Variants in TNKS observed in about 807,000 individuals in gnomAD.
TNKS encodes tankyrase.
TNKS carries 72 observed loss-of-function variants against 135.8 expected under a neutral mutation model. The ratio of observed to expected loss-of-function variants is 0.53; its 90% CI spans 0.44 to 0.64. The LOEUF is 0.64. TNKS is among the 30% of genes least tolerant of loss of function. The pLI, the probability that TNKS is intolerant of heterozygous loss-of-function variation, is 0.00. For synonymous variants in TNKS, 849 were observed against 649.3 expected, an observed-to-expected ratio of 1.31 and a Z score of -4.68; for missense variants, 1,769 against 1,674.0, an observed-to-expected ratio of 1.06 and a Z score of -0.99.
intron 14 of TNKS, 101 bp from the exon 15 acceptor site, chr8:9,733,178 G>T: frequency 8.9e-7 from 1 of 1,120,092 alleles, no homozygotes; most frequent in Non-Finnish European, 1.2e-6. Flanking sequence ...GCAGTGTTCA[G>T]TATAGTCAGT....
At position 9,781,040 on chromosome 8, in the gene TNKS, G is replaced by T. The variant is rs528009068; in HGVS notation, c.*4304G>T. On this transcript the variant is annotated 3_prime_UTR_variant, in exon 27 of 27. Coordinates refer to ENST00000310430, the MANE Select transcript of TNKS (RefSeq NM_003747.3). ...ATGTAAATTATGGTTATGCTAAAGT[G>T]AAAACCTAGAGGAAGCTAATGATTT... 42 of 152,308 alleles carry T rather than the reference G, an allele frequency of 2.8e-4. No homozygotes were observed. The highest frequency in any genetic ancestry group is 8.9e-4 in the African/African-American group (37 of 41,572). The allele number at this position is 152,308 out of a possible 1,614,324, so 9.4% of individuals were successfully genotyped here. A position where few individuals can be genotyped will look rare whatever the true frequency, so the allele number is the denominator to read the frequency against.
chr8:9,635,682 C>T (rs1800483064), intron 3 of TNKS, among the ~76,000 whole-genome samples: 1 of 152,138 alleles, frequency 6.6e-6, no homozygotes, highest in South Asian at 2.1e-4. Context: ...AGATGTAATA[C>T]CTGAGAAGGT....
At position 9,765,807 on chromosome 8, in the gene TNKS, G is replaced by C. The variant is rs368627447; in HGVS notation, c.3553+10G>C. On this transcript the variant is annotated intron_variant, in intron 24 of 26. Transcript: ENST00000310430. Reference sequence around the variant, plus strand: ...CGCATGTTGTTTCATGGTAAGCAGCGTGGCAGGGACGGTGGACGTCTCCCT... The same window carrying C: ...CGCATGTTGTTTCATGGTAAGCAGCCTGGCAGGGACGGTGGACGTCTCCCT... The C allele has an allele frequency of 4.3e-6, 7 of 1,611,780 alleles. No homozygotes were observed. Among genetic ancestry groups the C allele is most frequent in the Non-Finnish European group, 5.9e-6 (7 of 1,178,164 alleles).
At position 9,733,297 on chromosome 8, in the gene TNKS, T is replaced by C; in HGVS notation, c.2166T>C (p.His722=). The change falls in exon 15 of 27, where the codon CAT becomes CAC. Residue 722 remains histidine, a synonymous_variant. Coordinates refer to ENST00000310430, the MANE Select transcript of TNKS (RefSeq NM_003747.3). ...AKDKGGLVPL[H]NACSYGHYEV... The stretch of plus-strand genomic sequence containing the variant: ...TGTTTAGTGGCTTGGTGCCCCTTCA[T>C]AATGCCTGTTCATATGGACACTATG... 1 of 1,570,802 alleles carries C rather than the reference T, an allele frequency of 6.4e-7. No homozygotes were observed. Among genetic ancestry groups the C allele is most frequent in the Non-Finnish European group, 8.6e-7 (1 of 1,166,158 alleles).
intron 3 of TNKS, among the ~76,000 whole-genome samples, chr8:9,677,636 A>T (rs1362239992): frequency 6.6e-6 from 1 of 152,156 alleles, no homozygotes; most frequent in Non-Finnish European, 1.5e-5. Flanking sequence ...GCTGAAGTAC[A>T]GTATGGAAGT....
chr8:9,556,746 T>C (rs1321831861), intron 1 of TNKS, 134 bp downstream of exon 1: 3 of 933,384 alleles, frequency 3.2e-6, no homozygotes, highest in Non-Finnish European at 4.6e-6. Context: ...ACCAGAAGAC[T>C]GGAGGTTCCT....
intron 3 of TNKS, among the ~76,000 whole-genome samples, chr8:9,674,236 C>G (rs1433248908): frequency 2.0e-5 from 3 of 152,092 alleles, no homozygotes; most frequent in Non-Finnish European, 4.4e-5. Context: ...TGTTCATTTT[C>G]CAGATGACAG....
At chr8:9,560,547 T>C (rs1455037498) in intron 1 of TNKS, among the ~76,000 whole-genome samples, 3 of 145,264 alleles carry the variant, frequency 2.1e-5, no homozygotes, top group Non-Finnish European at 4.5e-5. Flanking sequence ...TGTACAAATG[T>C]CGTTCCTGTT....
chr8:9,765,632 C>A, intron 23 of TNKS, 60 bp from the exon 24 acceptor site: 2 of 1,412,134 alleles, frequency 1.4e-6, no homozygotes, highest in Middle Eastern at 1.9e-4. Context: ...ACATACTTTT[C>A]ATTTTAAATC....
intron 3 of TNKS, among the ~76,000 whole-genome samples, chr8:9,656,130 A>G (rs905256776): frequency 2.0e-5 from 3 of 152,258 alleles, no homozygotes; most frequent in African/African-American, 7.2e-5. Flanking sequence ...ATCAACTGGA[A>G]GAAAGAGTAT....
chr8:9,716,642 C>T (rs1424971962), intron 11 of TNKS, among the ~76,000 whole-genome samples: 2 of 152,004 alleles, frequency 1.3e-5, no homozygotes, highest in Non-Finnish European at 2.9e-5. Context: ...CTTTGGCTGC[C>T]GTTCTCTATG....
intron 12 of TNKS, among the ~76,000 whole-genome samples, chr8:9,724,492 A>G (rs1235437496): frequency 6.6e-6 from 1 of 152,216 alleles, no homozygotes. Flanking sequence ...AAAGAATTTT[A>G]CTAATATAGT....
chr8:9,594,244 T>C (rs544627146), intron 2 of TNKS, among the ~76,000 whole-genome samples: 1 of 152,190 alleles, frequency 6.6e-6, no homozygotes, highest in Non-Finnish European at 1.5e-5. Context: ...GGGTTTTTTC[T>C]TAACAGCATT....
At chr8:9,767,620 C>G (rs1169910027) in intron 25 of TNKS, among the ~76,000 whole-genome samples, 1 of 152,010 alleles carries the variant, frequency 6.6e-6, no homozygotes, top group Non-Finnish European at 1.5e-5. Flanking sequence ...TGTCATATAC[C>G]CGGAAGGAAA....
At chr8:9,614,483 A>G (rs1306404176) in intron 2 of TNKS, among the ~76,000 whole-genome samples, 1 of 152,236 alleles carries the variant, frequency 6.6e-6, no homozygotes, top group Non-Finnish European at 1.5e-5. Flanking sequence ...ATTATAACAA[A>G]GCCATTGATT....
chr8:9,709,705 C>G (rs1490888274), intron 9 of TNKS, among the ~76,000 whole-genome samples: 1 of 152,168 alleles, frequency 6.6e-6, no homozygotes, highest in Non-Finnish European at 1.5e-5. Context: ...TATTGATTGG[C>G]TAAGCCAAAA....
At chr8:9,715,768 C>T (rs1166255818) in intron 11 of TNKS, among the ~76,000 whole-genome samples, 2 of 152,058 alleles carry the variant, frequency 1.3e-5, no homozygotes, top group Non-Finnish European at 2.9e-5. Flanking sequence ...TTGAAAAATC[C>T]TCATTTACTA....
intron 3 of TNKS, among the ~76,000 whole-genome samples, chr8:9,662,708 C>T (rs1801779755): frequency 6.6e-6 from 1 of 152,122 alleles, no homozygotes; most frequent in South Asian, 2.1e-4. Context: ...AACAAACCTG[C>T]ACGTTGTGCA....
At chr8:9,755,501 A>C (rs998984456) in intron 20 of TNKS, among the ~76,000 whole-genome samples, 1 of 152,224 alleles carries the variant, frequency 6.6e-6, no homozygotes, top group Non-Finnish European at 1.5e-5. Flanking sequence ...TCATCAAGCA[A>C]TCAAATTTAT....
Sources: allele counts gnomAD v4.1 joint callset (sites outside exome capture counted in the v4.1 genomes callset), GRCh38; gene constraint gnomAD v4.1.1; transcripts MANE v1.5; gene names NCBI Gene and HGNC (gene_info 2026-07-23, HGNC 2026-07-21).